Variants in TUSC3 observed in about 807,000 individuals in gnomAD.
TUSC3 encodes the protein dolichyl-diphosphooligosaccharide--protein glycosyltransferase subunit TUSC3.
Under a neutral mutation model 44.8 loss-of-function variants are expected in TUSC3, and 45 were observed. That is an observed-to-expected ratio of 1.00 (90% CI 0.79 to 1.29). TUSC3 has a LOEUF of 1.29. TUSC3 is among the 50% of genes most tolerant of loss of function. The pLI is 0.00. For synonymous variants in TUSC3, 212 were observed against 152.9 expected (o/e 1.39, Z -2.85); for missense variants, 519 against 437.9 (o/e 1.19, Z -1.65).
At chr8:15,598,903 C>A (rs1395925789) in intron 1 of TUSC3, among the ~76,000 whole-genome samples, 1 of 151,888 alleles carries the variant, frequency 6.6e-6, no homozygotes, top group Admixed American at 6.6e-5. Flanking sequence ...TTATCAACAC[C>A]TCTTTACAGG....
At chr8:15,595,730 A>T (rs772552227) in intron 1 of TUSC3, among the ~76,000 whole-genome samples, 1 of 152,174 alleles carries the variant, frequency 6.6e-6, no homozygotes, top group African/African-American at 2.4e-5. Context: ...GTGTAATACA[A>T]TGTAGCACTT....
intron 2 of TUSC3, among the ~76,000 whole-genome samples, chr8:15,517,522 C>CAAAAAAAAAAAAA (rs71211049): frequency 3.9e-5 from 3 of 77,554 alleles, no homozygotes; most frequent in African/African-American, 1.6e-4. Context: ...TAGCGTGAGG[C>CAAAAAAAAAAAAA]AAAAAAAAAA....
rs545913978 is a variant in TUSC3, at chr8:15,500,955, TA to T, written n.189+17475del. ...CTTACAAGGTATAACATAATAACTT[TA>T]AATTCTTATAAGGTACAGAAAGTAA... On this transcript the variant is annotated intron_variant and non_coding_transcript_variant, in intron 2 of 5. Coordinates refer to the TUSC3 transcript ENST00000503191. Among the ~76,000 whole-genome samples, 81 of 152,340 alleles carry T rather than the reference TA, an allele frequency of 5.3e-4. 1 individual carries two copies. The South Asian group carries it at 0.017, about 31-fold the overall frequency.
chr8:15,743,856 T>C (rs1244609397), intron 8 of TUSC3, among the ~76,000 whole-genome samples: 1 of 152,194 alleles, frequency 6.6e-6, no homozygotes, highest in Non-Finnish European at 1.5e-5. Context: ...TTCACCCTTG[T>C]CAGGGTGCTC....
rs903268037 is a variant in TUSC3 at position 15,587,556 on chromosome 8, A to G, written c.139-35524A>G. Among the ~76,000 whole-genome samples, 5 of 152,162 alleles carry G rather than the reference A, an allele frequency of 3.3e-5. No homozygotes were observed. In the South Asian group the frequency reaches 1.0e-3, roughly 32 times the overall value. The stretch of plus-strand genomic sequence containing the variant: ...ATATCCAGCACCCCAAATATTTATC[A>G]TGTCTTTGTATTGGGAGCATCCAGA... On this transcript the variant is annotated intron_variant, in intron 1 of 10. Transcript: ENST00000503731.
At chr8:15,786,598 C>T in the TUSC3 span, among the ~76,000 whole-genome samples, 2 of 152,020 alleles carry the variant, frequency 1.3e-5, no homozygotes, top group African/African-American at 4.8e-5. Flanking sequence ...AGTCTTCATA[C>T]AAACACGCAT....
At chr8:15,622,528 C>G (rs1014801850) in intron 1 of TUSC3, among the ~76,000 whole-genome samples, 2 of 152,184 alleles carry the variant, frequency 1.3e-5, no homozygotes, top group Non-Finnish European at 2.9e-5. Context: ...CCTGTGCTGT[C>G]TACCAGTCAC....
At chr8:15,832,711 T>C in the TUSC3 span, among the ~76,000 whole-genome samples, 1 of 151,798 alleles carries the variant, frequency 6.6e-6, no homozygotes, top group African/African-American at 2.4e-5. Context: ...GGGTAAAGGG[T>C]TCAATTCAAC....
chr8:15,467,223 TG>T (rs142948713), intron 1 of TUSC3, among the ~76,000 whole-genome samples: 5,050 of 150,054 alleles, frequency 0.034, 101 homozygotes, highest in Non-Finnish European at 0.051. Flanking sequence ...CTATTCTACT[TG>T]GGGTTCATTA....
chr8:15,435,043 A>G (rs944568448), intron 1 of TUSC3, among the ~76,000 whole-genome samples: 2 of 148,184 alleles, frequency 1.3e-5, no homozygotes, highest in Non-Finnish European at 2.9e-5. Flanking sequence ...TCCTTTGGGT[A>G]TATACCCAGT....
intron 1 of TUSC3, among the ~76,000 whole-genome samples, chr8:15,618,535 G>C (rs1224247095): frequency 6.6e-6 from 1 of 152,042 alleles, no homozygotes; most frequent in African/African-American, 2.4e-5. Context: ...GTCCCACTGG[G>C]GGGTCTTCAG....
chr8:15,520,369 T>C (rs1801281753), intron 2 of TUSC3, among the ~76,000 whole-genome samples: 1 of 152,222 alleles, frequency 6.6e-6, no homozygotes, highest in African/African-American at 2.4e-5. Context: ...TTGAGTAAGA[T>C]ATCCAACCTC....
intron 1 of TUSC3, among the ~76,000 whole-genome samples, chr8:15,553,903 G>C (rs1420215079): frequency 6.6e-6 from 1 of 151,732 alleles, no homozygotes. Flanking sequence ...ACGGTTGTTC[G>C]TAGATACTTT....
rs11372919 is a variant in TUSC3, at chr8:15,485,464, C to CTTTTT, written n.189+1988_189+1992dup. On this transcript the variant is annotated intron_variant and non_coding_transcript_variant, in intron 2 of 5. Transcript: ENST00000503191. ...AAGCAATGTCATTATACTCTGTTGTCTTTTTTTTTTTGTTTTTTGTGACAC... is the reference window on the plus strand; with the variant it reads ...AAGCAATGTCATTATACTCTGTTGTCTTTTTTTTTTTTTTTTGTTTTTTGTGACAC... 1.6e-4 allele frequency among the ~76,000 whole-genome samples: 21 copies of CTTTTT among 135,234 alleles called. 1 individual carries two copies. Among genetic ancestry groups the CTTTTT allele is most frequent in the African/African-American group, 4.4e-4 (16 of 35,956 alleles). 88.7% of individuals were successfully genotyped at this position (135,234 alleles called of 152,430 possible). A position where few individuals can be genotyped will look rare whatever the true frequency, so the allele number is the denominator to read the frequency against.
intron 1 of TUSC3, among the ~76,000 whole-genome samples, chr8:15,602,677 T>A (rs909651121): frequency 5.0e-5 from 7 of 139,130 alleles, no homozygotes; most frequent in Non-Finnish European, 1.0e-4. Flanking sequence ...TGTGTGTGTG[T>A]GTGTGTGTGT....
chr8:15,570,035 A>G (rs748320076), intron 1 of TUSC3, among the ~76,000 whole-genome samples: 15 of 152,086 alleles, frequency 9.9e-5, no homozygotes, highest in Non-Finnish European at 2.1e-4. Flanking sequence ...TCCTATATAT[A>G]TTGATGGAAA....
At chr8:15,549,155 G>C (rs1267026509) in intron 1 of TUSC3, among the ~76,000 whole-genome samples, 2 of 151,610 alleles carry the variant, frequency 1.3e-5, no homozygotes, top group African/African-American at 4.8e-5. Flanking sequence ...CTATATGAAT[G>C]CTTTTTAAAA....
chr8:15,647,863 C>G (rs1023071563), intron 2 of TUSC3, among the ~76,000 whole-genome samples: 1 of 152,130 alleles, frequency 6.6e-6, no homozygotes, highest in African/African-American at 2.4e-5. Flanking sequence ...TGCTAATGAT[C>G]AGTCCATTCC....
chr8:15,732,796 T>C (rs28398004), intron 7 of TUSC3, among the ~76,000 whole-genome samples: 6,824 of 152,212 alleles, frequency 0.045, 522 homozygotes, highest in African/African-American at 0.16. Flanking sequence ...AAAGATACCT[T>C]TCTGAAACTC....
Sources: gnomAD v4.1 joint callset for allele counts (sites outside exome capture counted in the v4.1 genomes callset) on GRCh38, gnomAD v4.1.1 for gene constraint, MANE v1.5 for transcripts, NCBI Gene and HGNC (gene_info 2026-07-23, HGNC 2026-07-21) for gene names.